LHFPL3: variants seen among roughly 807,000 people sequenced by gnomAD.
The protein encoded by LHFPL3 is LHFPL tetraspan subfamily member 3, also known as LHFPL tetraspan subfamily member 3 protein.
LHFPL3 carries 5 observed loss-of-function variants against 19.3 expected under a neutral mutation model. That is an observed-to-expected ratio of 0.26 (90% CI 0.14 to 0.54). LHFPL3 has a LOEUF of 0.54. Among genes scored for constraint, LHFPL3 ranks in the 20% least tolerant of loss-of-function variants. The pLI is 0.94. For missense variants in LHFPL3, 249 were observed against 307.4 expected (o/e 0.81, Z 1.42); for synonymous variants, 133 against 126.2 (o/e 1.05, Z -0.36).
chr7:104,725,750 A>G (rs1014341606), intron 1 of LHFPL3, among the ~76,000 whole-genome samples: 2 of 152,086 alleles, frequency 1.3e-5, no homozygotes, highest in African/African-American at 4.8e-5. Context: ...CACCAACTTT[A>G]CCTTTTAAGA....
chr7:104,619,189 T>A (rs1303732330), intron 1 of LHFPL3, among the ~76,000 whole-genome samples: 1 of 152,194 alleles, frequency 6.6e-6, no homozygotes, highest in East Asian at 1.9e-4. Context: ...TATTCACATA[T>A]TATTGTTCTA....
intron 2 of LHFPL3, chr7:104,845,287 C>T: frequency 1.3e-6 from 1 of 747,254 alleles, no homozygotes; most frequent in Non-Finnish European, 2.3e-6. Context: ...AATGGAATAG[C>T]CAGGAATGAC....
chr7:104,345,326 C>T (rs1167488598), intron 1 of LHFPL3, among the ~76,000 whole-genome samples: 1 of 151,170 alleles, frequency 6.6e-6, no homozygotes, highest in Non-Finnish European at 1.5e-5. Flanking sequence ...TGTTGATTTT[C>T]TCCACTACAT....
intron 2 of LHFPL3, among the ~76,000 whole-genome samples, chr7:104,839,981 T>A (rs148523681): frequency 1.3e-5 from 2 of 152,164 alleles, no homozygotes; most frequent in East Asian, 1.9e-4. Flanking sequence ...GCAAGTTGAC[T>A]GGATAATTAA....
At chr7:104,681,571 G>A (rs984412883) in intron 1 of LHFPL3, among the ~76,000 whole-genome samples, 3 of 151,762 alleles carry the variant, frequency 2.0e-5, no homozygotes, top group East Asian at 3.9e-4. Flanking sequence ...GCAGTGAGCC[G>A]AGATTGTGCC....
chr7:104,843,076 C>T (rs187232421), intron 2 of LHFPL3, among the ~76,000 whole-genome samples: 34 of 152,226 alleles, frequency 2.2e-4, no homozygotes, highest in Admixed American at 1.8e-3. Context: ...AATGAAGCTG[C>T]CATTCCTGGC....
intron 1 of LHFPL3, among the ~76,000 whole-genome samples, chr7:104,629,513 C>T (rs956018725): frequency 6.6e-6 from 1 of 152,184 alleles, no homozygotes; most frequent in Non-Finnish European, 1.5e-5. Context: ...GTCCACATTT[C>T]TCTTGATGCC....
intron 1 of LHFPL3, among the ~76,000 whole-genome samples, chr7:104,508,188 C>A (rs904370204): frequency 5.3e-5 from 8 of 152,128 alleles, no homozygotes; most frequent in Non-Finnish European, 1.0e-4. Context: ...TATTCACGAT[C>A]GCAAACACTT....
intron 1 of LHFPL3, among the ~76,000 whole-genome samples, chr7:104,331,869 G>A (rs1438590170): frequency 6.6e-6 from 1 of 151,932 alleles, no homozygotes; most frequent in Non-Finnish European, 1.5e-5. Context: ...AGAATCTCTT[G>A]AGCTTGGGAG....
chr7:104,659,239 A>G (rs1019254783), intron 1 of LHFPL3, among the ~76,000 whole-genome samples: 6 of 152,214 alleles, frequency 3.9e-5, no homozygotes, highest in African/African-American at 1.4e-4. Context: ...GGCATCTGCC[A>G]TGTGGAAGAT....
chr7:104,485,996 C>A (rs1793228190), intron 1 of LHFPL3, among the ~76,000 whole-genome samples: 1 of 152,196 alleles, frequency 6.6e-6, no homozygotes, highest in Non-Finnish European at 1.5e-5. Flanking sequence ...GTAATCCTTT[C>A]AGGGAAGATC....
chr7:104,733,351 G>A (rs1036365782), intron 1 of LHFPL3, among the ~76,000 whole-genome samples: 2 of 152,128 alleles, frequency 1.3e-5, no homozygotes, highest in Non-Finnish European at 2.9e-5. Context: ...TATTGTGTGG[G>A]AGTCTAAGTC....
intron 1 of LHFPL3, among the ~76,000 whole-genome samples, chr7:104,682,014 T>C (rs1792713809): frequency 6.6e-6 from 1 of 152,226 alleles, no homozygotes; most frequent in Non-Finnish European, 1.5e-5. Flanking sequence ...ATTACATCTC[T>C]TCAAGAGAGA....
intron 2 of LHFPL3, among the ~76,000 whole-genome samples, chr7:104,818,634 C>T (rs937793329): frequency 1.3e-5 from 2 of 152,026 alleles, no homozygotes; most frequent in African/African-American, 4.8e-5. Flanking sequence ...AGTAAAATAA[C>T]CAATAACCTA....
intron 2 of LHFPL3, among the ~76,000 whole-genome samples, chr7:104,756,901 G>A (rs112032164): frequency 1.8e-4 from 28 of 152,256 alleles, no homozygotes; most frequent in Admixed American, 2.6e-4. Flanking sequence ...TACTGTGTGC[G>A]TAAAATATCT....
intron 2 of LHFPL3, among the ~76,000 whole-genome samples, chr7:104,900,461 G>A (rs1023531017): frequency 4.6e-5 from 7 of 152,148 alleles, no homozygotes; most frequent in African/African-American, 1.7e-4. Context: ...AATTATCAAG[G>A]CCTGACTCTT....
At chr7:104,852,544 G>A (rs977085597) in intron 2 of LHFPL3, among the ~76,000 whole-genome samples, 33 of 152,212 alleles carry the variant, frequency 2.2e-4, no homozygotes, top group African/African-American at 7.7e-4. Flanking sequence ...TGGCCATGCT[G>A]GCAGGAAGCT....
chr7:104,834,798 A>G (rs1180560308), intron 2 of LHFPL3, among the ~76,000 whole-genome samples: 1 of 151,986 alleles, frequency 6.6e-6, no homozygotes, highest in East Asian at 1.9e-4. Flanking sequence ...AACATGCCCA[A>G]GGGATTCCTT....
intron 1 of LHFPL3, among the ~76,000 whole-genome samples, chr7:104,606,878 T>G (rs2115727808): frequency 6.6e-6 from 1 of 152,238 alleles, no homozygotes. Flanking sequence ...TGAGTCCGTC[T>G]CTGGGTGAGG....
Sources: gnomAD v4.1 joint callset for allele counts (sites outside exome capture counted in the v4.1 genomes callset) on GRCh38, gnomAD v4.1.1 for gene constraint, MANE v1.5 for transcripts, NCBI Gene and HGNC (gene_info 2026-07-23, HGNC 2026-07-21) for gene names.